FARP2: variants seen among roughly 807,000 people sequenced by gnomAD.
The protein encoded by FARP2 is FERM, ARHGEF and pleckstrin domain-containing protein 2.
In FARP2, 111 loss-of-function variants were observed where a neutral mutation model predicts 130.5. The ratio of observed to expected loss-of-function variants is 0.85; its 90% confidence interval spans 0.73 to 1.00. The LOEUF (loss-of-function observed/expected upper bound fraction) is 1.00, where lower values mean the gene tolerates loss of function less well. Ranked by LOEUF, FARP2 falls within the 50% of genes least tolerant of loss-of-function variation. FARP2 has a pLI of 0.00. For missense variants in FARP2, 1,385 were observed against 1,346.3 expected, an observed-to-expected ratio of 1.03 and a Z score of -0.45; for synonymous variants, 504 against 516.9, an observed-to-expected ratio of 0.98 and a Z score of 0.34.
intron 17 of FARP2, among the ~76,000 whole-genome samples, chr2:241,464,774 A>C (rs1005971159): frequency 6.6e-6 from 1 of 152,024 alleles, no homozygotes; most frequent in Non-Finnish European, 1.5e-5. Context: ...CCCTCAGAAC[A>C]GGGTCTCCTC....
At chr2:241,491,261 A>G (rs2064895909) in intron 23 of FARP2, 82 bp downstream of exon 23, 2 of 1,049,190 alleles carry the variant, frequency 1.9e-6, no homozygotes, top group Non-Finnish European at 2.9e-6. Flanking sequence ...CTTGGTCCCC[A>G]TTGGCCCGCT....
intron 10 of FARP2, among the ~76,000 whole-genome samples, 175 bp downstream of exon 10, chr2:241,434,496 A>T (rs1228112610): frequency 6.6e-6 from 1 of 152,196 alleles, no homozygotes; most frequent in East Asian, 1.9e-4. Context: ...AACGGAAAAA[A>T]TACGCTTAAT....
intron 2 of FARP2, among the ~76,000 whole-genome samples, chr2:241,385,462 C>G (rs966386229): frequency 6.6e-6 from 1 of 152,088 alleles, no homozygotes; most frequent in Non-Finnish European, 1.5e-5. Context: ...TGGCTCATAC[C>G]TATAATCCCG....
chr2:241,455,656 A>G lies in FARP2; in HGVS notation c.1412-1091A>G, dbSNP rs1185989812. Among the ~76,000 whole-genome samples the G allele has an allele frequency of 2.0e-5, 3 of 151,514 alleles. No individual in the cohort carries two copies. The East Asian group carries it at 5.8e-4, about 29-fold the overall frequency. On this transcript the variant is annotated intron_variant, in intron 13 of 26. Coordinates refer to ENST00000264042, the MANE Select transcript of FARP2 (RefSeq NM_014808.4). ...CTCAGCCTCCCAAAGTGCTGGGATT[A>G]CAGGTATGAGCCACCATGCCTGGCC...
In FARP2 at chr2:241,456,747, G is replaced by T. The variant is rs138171166; in HGVS notation, c.1412G>T (p.Gly471Val). Reference protein sequence around the residue: ...LGPPALQPGPGLSTKSPQPSP... With the variant: ...LGPPALQPGPVLSTKSPQPSP... ...CATCCCCCTCCCCGTTCATTTCCAGGCCTTTCCACGAAGAGTCCTCAGCCT... is the reference window on the plus strand; with the variant it reads ...CATCCCCCTCCCCGTTCATTTCCAGTCCTTTCCACGAAGAGTCCTCAGCCT... The change falls in exon 14 of 27, where the codon GGC becomes GTC. Residue 471 changes from glycine (G) to valine (V), a missense_variant and splice_region_variant. Transcript: ENST00000264042. 5.0e-6 allele frequency: 8 copies of T among 1,613,852 alleles called. No individual in the cohort carries two copies. The highest frequency in any genetic ancestry group is 5.9e-6 in the Non-Finnish European group (7 of 1,179,984).
At chr2:241,425,566 G>T (rs902754683) in intron 8 of FARP2, among the ~76,000 whole-genome samples, 1 of 149,070 alleles carries the variant, frequency 6.7e-6, no homozygotes, top group African/African-American at 2.5e-5. Flanking sequence ...TTCCGAGCCA[G>T]GGGGAAATTG....
At chr2:241,474,188 C>A (rs2124847577) in intron 18 of FARP2, among the ~76,000 whole-genome samples, 1 of 151,768 alleles carries the variant, frequency 6.6e-6, no homozygotes, top group East Asian at 2.0e-4. Flanking sequence ...TGCCTGTAGT[C>A]CCAGCTACTC....
intron 18 of FARP2, among the ~76,000 whole-genome samples, chr2:241,470,986 G>A (rs934982925): frequency 1.3e-5 from 2 of 151,492 alleles, no homozygotes; most frequent in African/African-American, 2.4e-5. Flanking sequence ...ATGTTATTCT[G>A]GGGGGGACAC....
At chr2:241,474,167 G>A (rs1014748057) in intron 18 of FARP2, among the ~76,000 whole-genome samples, 26 of 151,704 alleles carry the variant, frequency 1.7e-4, no homozygotes, top group South Asian at 2.1e-4. Context: ...TTAGCCGGGC[G>A]TGGTGGCGGG....
rs1375487096 is a variant in FARP2, at chr2:241,491,828, G to A, written c.2787+149G>A. The A allele has an allele frequency of 6.9e-6, 5 of 729,018 alleles. No homozygotes were observed. In the Admixed American group the frequency reaches 9.7e-5, roughly 14 times the overall value. 45.2% of individuals were successfully genotyped at this position (729,018 alleles called of 1,614,324 possible). ...CTTACTCTCCCCTTGGTAGAAGTTG[G>A]TATGGAAAGTGCCCCTCATCCAGTC... On this transcript the variant is annotated intron_variant, in intron 24 of 26. Transcript: ENST00000264042.
intron 2 of FARP2, among the ~76,000 whole-genome samples, chr2:241,388,986 A>C (rs1469489545): frequency 6.6e-6 from 1 of 152,192 alleles, no homozygotes; most frequent in Non-Finnish European, 1.5e-5. Context: ...TGCCCTTATA[A>C]GAATAGACAT....
Position 241,482,720 on chromosome 2 carries a change from C to T in FARP2, c.2263-745C>T, listed in dbSNP as rs1189642158. Among the ~76,000 whole-genome samples the T allele has an allele frequency of 6.6e-6, 1 of 152,116 alleles. No homozygotes were observed. The highest frequency in any genetic ancestry group is 2.4e-5 in the African/African-American group (1 of 41,420). ...TTGGGACTGCTCATACTAGGAGGCC[C>T]CTAGCACATTCTCCGGACACCTGCT... On this transcript the variant is annotated intron_variant, in intron 19 of 26. Transcript: ENST00000264042. The surrounding 1 kb of genome is among the most constrained non-coding windows in gnomAD (Gnocchi z 4.6).
chr2:241,398,079 C>T (rs1360842718), intron 2 of FARP2, among the ~76,000 whole-genome samples: 1 of 152,138 alleles, frequency 6.6e-6, no homozygotes, highest in Non-Finnish European at 1.5e-5. Context: ...GATCCGCCCG[C>T]CTCGGCCTCC....
intron 1 of FARP2, among the ~76,000 whole-genome samples, chr2:241,362,351 C>A (rs759132264): frequency 7.2e-5 from 11 of 152,120 alleles, no homozygotes; most frequent in Non-Finnish European, 1.0e-4. Flanking sequence ...TGCCTGTAAT[C>A]CCAGCACTCT....
intron 2 of FARP2, among the ~76,000 whole-genome samples, chr2:241,392,419 C>T (rs2061928955): frequency 1.3e-5 from 2 of 152,200 alleles, no homozygotes; most frequent in Non-Finnish European, 2.9e-5. Flanking sequence ...CCAGTATTAA[C>T]AGGTTCAAAT....
intron 2 of FARP2, among the ~76,000 whole-genome samples, chr2:241,377,379 G>T (rs181544811): frequency 6.7e-6 from 1 of 149,586 alleles, no homozygotes; most frequent in Non-Finnish European, 1.5e-5. Context: ...CTGTCGCCCA[G>T]GCCGGACTGC....
intron 13 of FARP2, among the ~76,000 whole-genome samples, chr2:241,452,403 TAAAA>T (rs576522172): frequency 6.9e-6 from 1 of 144,890 alleles, no homozygotes; most frequent in Non-Finnish European, 1.5e-5. Context: ...GTTTTAAAAA[TAAAA>T]AAAAAAAGTC....
chr2:241,464,128 C>A, intron 17 of FARP2, 148 bp downstream of exon 17: 2 of 639,586 alleles, frequency 3.1e-6, no homozygotes, highest in Non-Finnish European at 5.5e-6. Flanking sequence ...CTCCTTAGAA[C>A]AGGGCCCCCT....
At chr2:241,486,330 T>C (rs530488624) in intron 21 of FARP2, among the ~76,000 whole-genome samples, 1 of 130,468 alleles carries the variant, frequency 7.7e-6, no homozygotes, top group Admixed American at 8.5e-5. Context: ...GCAAAAGTGG[T>C]GTGTGCCTGT....
Sources: allele counts gnomAD v4.1 joint callset (sites outside exome capture counted in the v4.1 genomes callset), GRCh38; gene constraint gnomAD v4.1.1; non-coding constraint Gnocchi (gnomAD v3.1); transcripts MANE v1.5; gene names NCBI Gene and HGNC (gene_info 2026-07-23, HGNC 2026-07-21).